The following PARP9 variants were observed in gnomAD, a reference collection of about 807,000 sequenced individuals.
PARP9 encodes protein mono-ADP-ribosyltransferase PARP9.
A neutral mutation model predicts 68.8 loss-of-function variants in PARP9; 48 were observed. That is an observed-to-expected ratio of 0.70 (90% CI 0.55 to 0.89). PARP9 has a LOEUF of 0.89. PARP9 is among the 40% of genes least tolerant of loss of function. The probability of loss-of-function intolerance (pLI) is 0.00; values close to 1 mark genes in which losing one functional copy is unlikely to be tolerated. For missense variants in PARP9, 806 were observed against 969.3 expected, an observed-to-expected ratio of 0.83 and a Z score of 2.24; for synonymous variants, 309 against 333.8, an observed-to-expected ratio of 0.93 and a Z score of 0.81.
intron 6 of PARP9, among the ~76,000 whole-genome samples, chr3:122,547,068 A>G (rs1324098121): frequency 1.5e-4 from 19 of 127,626 alleles, no homozygotes; most frequent in African/African-American, 5.0e-4. Context: ...ACACATACAT[A>G]TATACACACA....
chr3:122,558,426 A>G lies in PARP9; in HGVS notation c.49+8T>C. On this transcript the variant is annotated splice_region_variant and intron_variant, in intron 3 of 10. Transcript: ENST00000682323. ...TCTGAAACAAGAGTGAGAGCGAGGT[A>G]ATCCTACCTGATTTTTCATTGTAAG... The G allele has an allele frequency of 1.9e-6, 3 of 1,614,154 alleles. No homozygotes were observed. The highest frequency in any genetic ancestry group is 2.5e-6 in the Non-Finnish European group (3 of 1,179,992).
At chr3:122,532,547 G>T in intron 10 of PARP9, 1 of 521,364 alleles carries the variant, frequency 1.9e-6, no homozygotes, top group Non-Finnish European at 2.5e-6. Flanking sequence ...TGGTCATGGG[G>T]AACGTGAGAG....
At chr3:122,558,807 C>T (rs1366519133) in intron 2 of PARP9, among the ~76,000 whole-genome samples, 1 of 152,186 alleles carries the variant, frequency 6.6e-6, no homozygotes, top group African/African-American at 2.4e-5. Flanking sequence ...AACTCCTGGG[C>T]TGAAGCAATC....
chr3:122,559,521 A>G, intron 2 of PARP9, 85 bp downstream of exon 2: 1 of 1,362,168 alleles, frequency 7.3e-7, no homozygotes, highest in Non-Finnish European at 9.8e-7. Flanking sequence ...ACTGTTGGTG[A>G]ACACCCCAGA....
intron 10 of PARP9, among the ~76,000 whole-genome samples, chr3:122,529,945 C>T (rs1407214764): frequency 6.6e-6 from 1 of 151,932 alleles, no homozygotes; most frequent in African/African-American, 2.4e-5. Flanking sequence ...AATCCCAGCA[C>T]TTTGGGAGGC....
rs7432446 is a variant in PARP9 at position 122,547,111 on chromosome 3, T to C, written c.1327-1622A>G. Among the ~76,000 whole-genome samples, 1,178 of 133,794 alleles carry C rather than the reference T, an allele frequency of 8.8e-3. 77 individuals are homozygous for C. Among genetic ancestry groups the C allele is most frequent in the Non-Finnish European group, 0.014 (898 of 62,620 alleles). The allele number at this position is 133,794 out of a possible 152,430, so 87.8% of individuals were successfully genotyped here. ...ATATATATATACACGTATTTTTTTT[T>C]CTTTTTTTTTTTTTTTGAGATGGCC... On this transcript the variant is annotated intron_variant, in intron 6 of 10. Transcript: ENST00000682323.
chr3:122,544,921 A>G (rs1419504228), intron 7 of PARP9, among the ~76,000 whole-genome samples: 1 of 152,206 alleles, frequency 6.6e-6, no homozygotes, highest in Non-Finnish European at 1.5e-5. Context: ...AGAGTCCCTG[A>G]ATCAGCATCT....
chr3:122,540,374 CCTT>C (rs1348255017), intron 8 of PARP9, 95 bp downstream of exon 8: 66 of 1,419,370 alleles, frequency 4.6e-5, no homozygotes, highest in Admixed American at 1.4e-4. Context: ...CCTCCTCTCT[CCTT>C]CTGTCTCTTA....
Position 122,552,413 on chromosome 3 carries a change from C to T in PARP9, c.1107+5G>A. 6.3e-7 allele frequency: 1 copy of T among 1,594,140 alleles called. No individual in the cohort carries two copies. Among genetic ancestry groups the T allele is most frequent in the Non-Finnish European group, 8.6e-7 (1 of 1,164,452 alleles). ...TAAATAAAGCCACATTTATTTTAAA[C>T]TTACCTGAGGTTTAGGAAATTCTGA... is the stretch of plus-strand genomic sequence containing the variant. On this transcript the variant is annotated splice_donor_5th_base_variant and intron_variant, in intron 5 of 10. Coordinates refer to ENST00000682323, the MANE Select transcript of PARP9 (RefSeq NM_001146105.2).
At position 122,540,564 on chromosome 3, in the gene PARP9, A is replaced by G; in HGVS notation, c.1673T>C (p.Leu558Pro). The stretch of plus-strand genomic sequence containing the variant: ...TTCAATGTTCATAACCACCTCAATG[A>G]GGTCAGCCCGGGCTCCTTCAATCTC... Reference protein sequence around the residue: ...ELEIEGARADLIEVVMNIEDM... With the variant: ...ELEIEGARADPIEVVMNIEDM... The change falls in exon 8 of 11, where the codon CTC becomes CCC. Residue 558 changes from leucine to proline, a missense_variant. By Grantham distance (98) the Leu-to-Pro change is moderately conservative. Around this residue, in one of 2 missense-constraint regions of PARP9, gnomAD observed 680 missense variants for 858.8 expected, o/e 0.79. Coordinates refer to ENST00000682323, the MANE Select transcript of PARP9 (RefSeq NM_001146105.2). 6.2e-7 allele frequency: 1 copy of G among 1,614,170 alleles called. No individual in the cohort carries two copies. Among genetic ancestry groups the G allele is most frequent in the Non-Finnish European group, 8.5e-7 (1 of 1,180,014 alleles).
intron 7 of PARP9, among the ~76,000 whole-genome samples, chr3:122,543,194 A>C (rs2078400971): frequency 6.6e-6 from 1 of 151,930 alleles, no homozygotes; most frequent in Non-Finnish European, 1.5e-5. Context: ...TACAGGCATG[A>C]GCCACCGTGC....
In PARP9 at chr3:122,556,059, T is replaced by A. The variant is rs368442005; in HGVS notation, c.112A>T (p.Ile38Phe). 6.2e-7 allele frequency: 1 copy of A among 1,609,302 alleles called. No individual in the cohort carries two copies. Among genetic ancestry groups the A allele is most frequent in the African/African-American group, 1.4e-5 (1 of 73,986 alleles). ...AGCTGACGCTCATTATTTTTTAAAATTTTGAAGTCATTGTGGTTAATGGGA... is the reference window on the plus strand; with the variant it reads ...AGCTGACGCTCATTATTTTTTAAAAATTTGAAGTCATTGTGGTTAATGGGA... Reference protein sequence around the residue: ...QIPINHNDFKILKNNERQLCE... With the variant: ...QIPINHNDFKFLKNNERQLCE... The change falls in exon 4 of 11, where the codon ATT becomes TTT. Residue 38 changes from isoleucine (I) to phenylalanine (F), a missense_variant. Physicochemically the swap from Ile to Phe is conservative, Grantham distance 21 (BLOSUM62 0). This residue lies in a region of PARP9 where 126 missense variants were observed against 110.5 expected (regional missense o/e 1.14). Coordinates refer to ENST00000682323, the MANE Select transcript of PARP9 (RefSeq NM_001146105.2).
chr3:122,564,169 G>A (rs980462426), intron 1 of PARP9, 76 bp downstream of exon 1: 75 of 479,942 alleles, frequency 1.6e-4, no homozygotes, highest in South Asian at 2.6e-4. Flanking sequence ...GTCCGCGCCC[G>A]TCCCCCTTCT....
intron 6 of PARP9, among the ~76,000 whole-genome samples, chr3:122,549,309 C>A (rs537383876): frequency 2.4e-4 from 37 of 152,322 alleles, no homozygotes; most frequent in African/African-American, 8.7e-4. Flanking sequence ...AGCCACCTCA[C>A]CCACCTGTAT....
chr3:122,558,694 C>A (rs2079927892), intron 2 of PARP9, among the ~76,000 whole-genome samples: 1 of 152,094 alleles, frequency 6.6e-6, no homozygotes, highest in African/African-American at 2.4e-5. Flanking sequence ...GGGGCCGATG[C>A]ATTTCTTTTT....
chr3:122,536,441 A>C (rs1010576796), intron 9 of PARP9, 99 bp from the exon 10 acceptor site: 28 of 1,499,586 alleles, frequency 1.9e-5, no homozygotes, highest in Admixed American at 4.8e-5. Flanking sequence ...TATGTGCATA[A>C]TACTACTTTG....
intron 6 of PARP9, among the ~76,000 whole-genome samples, chr3:122,550,312 C>A (rs1304509474): frequency 6.6e-6 from 1 of 152,196 alleles, no homozygotes; most frequent in African/African-American, 2.4e-5. Flanking sequence ...CTCCCGACCT[C>A]AGGTGATCCG....
At chr3:122,558,256 A>G in intron 3 of PARP9, 178 bp downstream of exon 3, 1 of 1,511,558 alleles carries the variant, frequency 6.6e-7, no homozygotes, top group Non-Finnish European at 9.1e-7. Context: ...TTGAGAGAAT[A>G]TGCCTGCTGG....
At chr3:122,533,925 C>T in intron 10 of PARP9, 2 of 985,426 alleles carry the variant, frequency 2.0e-6, no homozygotes, top group South Asian at 9.4e-5. Flanking sequence ...TTTTGTACTC[C>T]AAATAACAAC....
Sources: allele counts gnomAD v4.1 joint callset (sites outside exome capture counted in the v4.1 genomes callset), GRCh38; gene constraint gnomAD v4.1.1; regional missense constraint gnomAD v4.1.1; transcripts MANE v1.5; gene names NCBI Gene and HGNC (gene_info 2026-07-23, HGNC 2026-07-21).